Variants in LRRC4C observed in about 807,000 individuals in gnomAD.
LRRC4C encodes leucine rich repeat containing 4C.
In LRRC4C, 5 loss-of-function variants were observed where a neutral mutation model predicts 33.6. That is an observed-to-expected ratio of 0.15 (90% confidence interval 0.08 to 0.31). The LOEUF is 0.31. LRRC4C is among the 10% of genes least tolerant of loss of function. LRRC4C has a pLI of 1.00. For missense variants in LRRC4C, 560 were observed against 796.7 expected, an observed-to-expected ratio of 0.70 and a Z score of 3.58; for synonymous variants, 329 against 302.0, an observed-to-expected ratio of 1.09 and a Z score of -0.93.
chr11:41,306,375 T>A (rs899657625), intron 1 of LRRC4C, among the ~76,000 whole-genome samples: 1 of 152,248 alleles, frequency 6.6e-6, no homozygotes, highest in African/African-American at 2.4e-5. Context: ...CAATGCATTT[T>A]AATGGTAAAA....
chr11:40,839,245 C>A (rs1952810272), intron 2 of LRRC4C, among the ~76,000 whole-genome samples: 1 of 151,722 alleles, frequency 6.6e-6, no homozygotes, highest in South Asian at 2.1e-4. Flanking sequence ...CTTTTCTTTT[C>A]TTTTTTTGAG....
intron 4 of LRRC4C, among the ~76,000 whole-genome samples, chr11:40,254,149 T>A (rs943250749): frequency 3.9e-5 from 6 of 152,152 alleles, no homozygotes; most frequent in African/African-American, 1.4e-4. Context: ...CCCAGAAAGG[T>A]GTGGCAATGC....
intron 2 of LRRC4C, among the ~76,000 whole-genome samples, chr11:40,797,611 A>T (rs1002436022): frequency 2.0e-5 from 3 of 152,186 alleles, no homozygotes; most frequent in Non-Finnish European, 4.4e-5. Flanking sequence ...GGACTCAAAA[A>T]TCTCTACAAG....
chr11:41,283,407 A>G (rs1169902750), intron 1 of LRRC4C, among the ~76,000 whole-genome samples: 1 of 152,162 alleles, frequency 6.6e-6, no homozygotes, highest in Non-Finnish European at 1.5e-5. Context: ...TAATGCATGG[A>G]TTAGTCTAAT....
chr11:41,084,539 G>A (rs1939811110), intron 1 of LRRC4C, among the ~76,000 whole-genome samples: 1 of 152,004 alleles, frequency 6.6e-6, no homozygotes, highest in South Asian at 2.1e-4. Context: ...CTCCTAATTT[G>A]CTTCAGTTTA....
In LRRC4C at chr11:40,287,000, A is replaced by G. The variant is rs150009609; in HGVS notation, c.-176+32628T>C. Among the ~76,000 whole-genome samples, 412 of 152,278 alleles carry G rather than the reference A, an allele frequency of 2.7e-3. 1 individual carries two copies. The highest frequency in any genetic ancestry group is 4.8e-3 in the Non-Finnish European group (326 of 68,008). The stretch of plus-strand genomic sequence containing the variant: ...CTAGTTTCCTAAGAACAATAATTAT[A>G]TATTTTTAATTTTGGGAATACTAAA... On this transcript the variant is annotated intron_variant, in intron 4 of 6. Transcript: ENST00000528697.
intron 3 of LRRC4C, among the ~76,000 whole-genome samples, chr11:40,597,328 G>A (rs972183499): frequency 1.3e-5 from 2 of 152,068 alleles, no homozygotes; most frequent in African/African-American, 4.8e-5. Context: ...TGGTTCAGTG[G>A]TTGGCCTGAA....
intron 1 of LRRC4C, among the ~76,000 whole-genome samples, chr11:41,332,669 A>G (rs899762969): frequency 6.6e-6 from 1 of 152,210 alleles, no homozygotes; most frequent in African/African-American, 2.4e-5. Flanking sequence ...TTATCCCATG[A>G]AGATGTTTTA....
At chr11:40,496,720 CAT>C (rs1380182581) in intron 3 of LRRC4C, among the ~76,000 whole-genome samples, 1 of 152,034 alleles carries the variant, frequency 6.6e-6, no homozygotes, top group Non-Finnish European at 1.5e-5. Flanking sequence ...GAGATAGAAA[CAT>C]ATGGGGAGTC....
intron 2 of LRRC4C, among the ~76,000 whole-genome samples, chr11:40,897,624 T>C (rs2136160266): frequency 6.6e-6 from 1 of 152,342 alleles, no homozygotes; most frequent in East Asian, 1.9e-4. Context: ...CTAAAAAATA[T>C]TATCCCATGT....
intron 1 of LRRC4C, among the ~76,000 whole-genome samples, chr11:41,269,365 A>G (rs948671557): frequency 5.9e-5 from 9 of 151,996 alleles, no homozygotes; most frequent in African/African-American, 2.2e-4. Flanking sequence ...CCTTGCCCAC[A>G]GCCTGAACAC....
chr11:40,406,577 A>G (rs1949972679), intron 3 of LRRC4C, among the ~76,000 whole-genome samples: 1 of 152,168 alleles, frequency 6.6e-6, no homozygotes, highest in African/African-American at 2.4e-5. Context: ...ATACATTTTA[A>G]AAACAAATAG....
At chr11:40,891,839 T>C (rs900288757) in intron 2 of LRRC4C, among the ~76,000 whole-genome samples, 5 of 152,116 alleles carry the variant, frequency 3.3e-5, no homozygotes, top group African/African-American at 1.2e-4. Context: ...GAGAACAGTA[T>C]AGAAGTTCTT....
At chr11:40,303,121 C>A (rs1466305566) in intron 4 of LRRC4C, among the ~76,000 whole-genome samples, 2 of 151,704 alleles carry the variant, frequency 1.3e-5, no homozygotes, top group Admixed American at 6.6e-5. Context: ...AAAAGTTATC[C>A]CAGAGGCAGT....
At chr11:41,391,061 A>G (rs1391105345) in intron 1 of LRRC4C, among the ~76,000 whole-genome samples, 2 of 151,722 alleles carry the variant, frequency 1.3e-5, no homozygotes, top group Non-Finnish European at 2.9e-5. Flanking sequence ...AAAAAAAATC[A>G]TTTGTTCTAT....
At chr11:41,067,828 G>A (rs1938368837) in intron 1 of LRRC4C, among the ~76,000 whole-genome samples, 2 of 152,138 alleles carry the variant, frequency 1.3e-5, no homozygotes, top group Non-Finnish European at 2.9e-5. Flanking sequence ...GGAAATTAAG[G>A]CAGAAATCAA....
intron 2 of LRRC4C, among the ~76,000 whole-genome samples, chr11:40,729,748 C>T (rs1179390806): frequency 6.6e-6 from 1 of 152,180 alleles, no homozygotes; most frequent in Non-Finnish European, 1.5e-5. Context: ...TTTAAAATTA[C>T]ACCTTCACAC....
intron 2 of LRRC4C, among the ~76,000 whole-genome samples, chr11:40,825,059 G>A (rs763242378): frequency 1.1e-4 from 16 of 151,812 alleles, no homozygotes; most frequent in Non-Finnish European, 2.1e-4. Context: ...CATTGTGTAG[G>A]TGCTTCCACT....
At position 40,841,460 on chromosome 11, in the gene LRRC4C, T is replaced by C. The variant is rs551735810; in HGVS notation, c.-407+92175A>G. On this transcript the variant is annotated intron_variant, in intron 2 of 6. Coordinates refer to ENST00000528697, the MANE Select transcript of LRRC4C (RefSeq NM_001258419.2). ...GAAGTAATTCAGGTCACAAAGGTGGTGTCCTGAACTGACAAGGTTAGTGTC... is the reference window on the plus strand; with the variant it reads ...GAAGTAATTCAGGTCACAAAGGTGGCGTCCTGAACTGACAAGGTTAGTGTC... Among the ~76,000 whole-genome samples the C allele has an allele frequency of 1.7e-4, 26 of 152,298 alleles. No homozygotes were observed. In the South Asian group the frequency reaches 2.1e-3, roughly 12 times the overall value.
Sources: allele counts gnomAD v4.1 joint callset (sites outside exome capture counted in the v4.1 genomes callset), GRCh38; gene constraint gnomAD v4.1.1; transcripts MANE v1.5; gene names NCBI Gene and HGNC (gene_info 2026-07-23, HGNC 2026-07-21).